Variants in LAMA3 observed in about 807,000 individuals in gnomAD.
LAMA3 encodes laminin subunit alpha 3.
A neutral mutation model predicts 402.0 loss-of-function variants in LAMA3; 281 were observed. The ratio of observed to expected loss-of-function variants is 0.70; its 90% CI spans 0.63 to 0.77. The LOEUF (loss-of-function observed/expected upper bound fraction) is 0.77, where lower values mean the gene tolerates loss of function less well. LAMA3 is among the 30% of genes least tolerant of loss of function. LAMA3 has a pLI of 0.00. For missense variants in LAMA3, 3,840 were observed against 4,215.5 expected, an observed-to-expected ratio of 0.91 and a Z score of 2.47; for synonymous variants, 1,431 against 1,558.4, an observed-to-expected ratio of 0.92 and a Z score of 1.93.
At chr18:23,831,061 T>C (rs2063481725) in intron 23 of LAMA3, among the ~76,000 whole-genome samples, 1 of 152,208 alleles carries the variant, frequency 6.6e-6, no homozygotes, top group South Asian at 2.1e-4. Flanking sequence ...TCTGTGAGTG[T>C]ACATCCCGAA....
intron 1 of LAMA3, among the ~76,000 whole-genome samples, chr18:23,701,549 A>G (rs2060789466): frequency 6.6e-6 from 1 of 152,222 alleles, no homozygotes; most frequent in Non-Finnish European, 1.5e-5. Flanking sequence ...AGTTTCTGCC[A>G]TTTTAATTTA....
At chr18:23,881,893 A>T in intron 39 of LAMA3, 43 bp from the exon 40 acceptor site, 1 of 1,221,056 alleles carries the variant, frequency 8.2e-7, no homozygotes, top group Non-Finnish European at 1.2e-6. Context: ...AGAAGTAGGG[A>T]CTGTACTGGC....
Position 23,846,263 on chromosome 18 carries a change from C to T in LAMA3, c.3720-34C>T, listed in dbSNP as rs201293610. 27 of 1,606,324 alleles carry T rather than the reference C, an allele frequency of 1.7e-5. No homozygotes were observed. In the African/African-American group the frequency reaches 2.7e-4, roughly 16 times the overall value. On this transcript the variant is annotated intron_variant, in intron 30 of 74. Coordinates refer to ENST00000313654, the MANE Select transcript of LAMA3 (RefSeq NM_198129.4). Reference sequence around the variant, plus strand: ...GAGGCCACTCCCATACACACCTCCCCAGGCATCACCATGAGTTGTTTCTGT... The same window carrying T: ...GAGGCCACTCCCATACACACCTCCCTAGGCATCACCATGAGTTGTTTCTGT...
chr18:23,694,346 A>C (rs2060646221), intron 1 of LAMA3, among the ~76,000 whole-genome samples: 1 of 152,188 alleles, frequency 6.6e-6, no homozygotes, highest in African/African-American at 2.4e-5. Context: ...AGTGATACCA[A>C]ATATAGGGGG....
chr18:23,752,308 C>T (rs912241015), intron 5 of LAMA3, among the ~76,000 whole-genome samples: 5 of 151,992 alleles, frequency 3.3e-5, no homozygotes, highest in African/African-American at 1.2e-4. Flanking sequence ...ATGTACCCTA[C>T]CAATTTTTTT....
At chr18:23,711,782 T>C (rs557745311) in intron 1 of LAMA3, among the ~76,000 whole-genome samples, 1 of 152,306 alleles carries the variant, frequency 6.6e-6, no homozygotes, top group African/African-American at 2.4e-5. Context: ...TAATAGGTGC[T>C]CTACAAATCT....
intron 44 of LAMA3, among the ~76,000 whole-genome samples, chr18:23,897,723 A>C (rs1032624762): frequency 2.8e-4 from 43 of 152,326 alleles, no homozygotes; most frequent in Non-Finnish European, 2.4e-4. Context: ...CCTTTCCCCA[A>C]AGTAAAGTTA....
intron 1 of LAMA3, among the ~76,000 whole-genome samples, chr18:23,697,442 C>T (rs2060705060): frequency 6.6e-6 from 1 of 152,154 alleles, no homozygotes; most frequent in Admixed American, 6.5e-5. Context: ...ACCCAGGAGC[C>T]TCTATTCTGG....
chr18:23,873,639 A>G (rs994645595), intron 38 of LAMA3, among the ~76,000 whole-genome samples: 6 of 152,222 alleles, frequency 3.9e-5, no homozygotes, highest in African/African-American at 1.4e-4. Context: ...CAAAGTTTGC[A>G]TAATACCTAA....
intron 36 of LAMA3, among the ~76,000 whole-genome samples, 155 bp downstream of exon 36, chr18:23,865,038 C>T (rs977817292): frequency 2.6e-5 from 4 of 152,252 alleles, no homozygotes; most frequent in African/African-American, 9.6e-5. Context: ...AAGCATGTAA[C>T]ATCTTTTCAG....
In LAMA3 at chr18:23,946,098, T is replaced by C. The variant is rs769159182; in HGVS notation, c.9211-46T>C. The C allele has an allele frequency of 2.5e-6, 4 of 1,580,544 alleles. No individual in the cohort carries two copies. In the South Asian group the frequency reaches 4.4e-5, roughly 17 times the overall value. On this transcript the variant is annotated intron_variant, in intron 69 of 74. Transcript: ENST00000313654. ...AATATTTAATAAAATACAACACCAA[T>C]TGTCAAAGGTAAAAATACAACTCAC...
intron 1 of LAMA3, among the ~76,000 whole-genome samples, chr18:23,694,264 A>G (rs948965444): frequency 1.3e-5 from 2 of 152,216 alleles, no homozygotes; most frequent in Non-Finnish European, 2.9e-5. Context: ...CTTAATTGTG[A>G]GAGGTGGGAA....
At chr18:23,906,042 A>G (rs777445667) in intron 52 of LAMA3, among the ~76,000 whole-genome samples, 11 of 152,156 alleles carry the variant, frequency 7.2e-5, no homozygotes, top group Admixed American at 1.3e-4. Context: ...TGGGATTACA[A>G]GCATGAGCCA....
At position 23,889,992 on chromosome 18, in the gene LAMA3, C is replaced by G. The variant is rs1309288334; in HGVS notation, c.5304-19C>G. On this transcript the variant is annotated intron_variant, in intron 41 of 74. Coordinates refer to ENST00000313654, the MANE Select transcript of LAMA3 (RefSeq NM_198129.4). ...ATGAGTTATTTGGGTGTTTCTCCTCCTCTCTATATTTTGTGTAGGTGTGCA... is the reference window on the plus strand; with the variant it reads ...ATGAGTTATTTGGGTGTTTCTCCTCGTCTCTATATTTTGTGTAGGTGTGCA... 1.3e-6 allele frequency: 2 copies of G among 1,574,256 alleles called. No individual in the cohort carries two copies.
At chr18:23,835,171 G>A (rs2063557732) in intron 24 of LAMA3, among the ~76,000 whole-genome samples, 1 of 152,222 alleles carries the variant, frequency 6.6e-6, no homozygotes, top group African/African-American at 2.4e-5. Context: ...GTTAGCCGCA[G>A]GGCCTGGACC....
In LAMA3 at chr18:23,763,481, C is replaced by A; in HGVS notation, c.1140C>A (p.Thr380=). 6.2e-7 allele frequency: 1 copy of A among 1,613,532 alleles called. No individual in the cohort carries two copies. Among genetic ancestry groups the A allele is most frequent in the Non-Finnish European group, 8.5e-7 (1 of 1,179,512 alleles). ...AGCGGCAGCAGGCAAGCTTGAATAC[C>A]CAGGGCATCTATGCTGGTGGAGGGG... is the stretch of plus-strand genomic sequence containing the variant. ...DVERQQASLN[T]QGIYAGGGVC... The change falls in exon 8 of 75, where the codon ACC becomes ACA. Residue 380 remains threonine (T), a synonymous_variant. Transcript: ENST00000313654.
At chr18:23,862,710 G>A (rs1314584862) in intron 35 of LAMA3, among the ~76,000 whole-genome samples, 5 of 152,134 alleles carry the variant, frequency 3.3e-5, no homozygotes, top group South Asian at 2.1e-4. Context: ...CCAACACTTC[G>A]CAGCTTAAAG....
In LAMA3 at chr18:23,932,081, TAGAC is replaced by T. The variant is rs1250531098; in HGVS notation, c.8577-76_8577-73del. On this transcript the variant is annotated intron_variant, in intron 65 of 74. Coordinates refer to ENST00000313654, the MANE Select transcript of LAMA3 (RefSeq NM_198129.4). ...GATAACAAATATTGAATCTGAGTCT[TAGAC>T]AGTGAGTTGGCCACATGGCAAGGGC... 1.1e-5 allele frequency: 17 copies of T among 1,526,888 alleles called. No individual in the cohort carries two copies. The East Asian group carries it at 3.6e-4, about 32-fold the overall frequency. The allele number at this position is 1,526,888 out of a possible 1,614,324, so 94.6% of individuals were successfully genotyped here.
intron 62 of LAMA3, among the ~76,000 whole-genome samples, chr18:23,922,448 G>A (rs1786311): frequency 0.96 from 146,837 of 152,346 alleles, 70,876 homozygotes; most frequent in East Asian, 1. Flanking sequence ...ACATGTGGGC[G>A]TCTGTCCATT....
Sources: allele counts gnomAD v4.1 joint callset (sites outside exome capture counted in the v4.1 genomes callset), GRCh38; gene constraint gnomAD v4.1.1; transcripts MANE v1.5; gene names NCBI Gene and HGNC (gene_info 2026-07-23, HGNC 2026-07-21).